TRPM3: variants seen among roughly 807,000 people sequenced by gnomAD.
TRPM3 encodes the protein long transient receptor potential channel 3.
TRPM3 carries 77 observed loss-of-function variants against 181.2 expected under a neutral mutation model. The observed-to-expected ratio is 0.42, with a 90% CI of 0.35 to 0.51. TRPM3 has a LOEUF of 0.51. Ranked by LOEUF, TRPM3 falls within the 20% of genes least tolerant of loss-of-function variation. The pLI is 0.01. For missense variants in TRPM3, 1,759 were observed against 2,196.7 expected (o/e 0.80, Z 3.98); for synonymous variants, 745 against 796.4 (o/e 0.94, Z 1.09).
chr9:71,167,622 T>C (rs1355619309), intron 1 of TRPM3, among the ~76,000 whole-genome samples: 2 of 152,204 alleles, frequency 1.3e-5, no homozygotes, highest in Admixed American at 6.5e-5. Flanking sequence ...AATTAGCAGC[T>C]TCCAGAATTC....
chr9:71,133,540 C>T (rs367836865), intron 1 of TRPM3, among the ~76,000 whole-genome samples: 9 of 152,198 alleles, frequency 5.9e-5, no homozygotes, highest in African/African-American at 1.9e-4. Context: ...TTAGGTGATC[C>T]GCCTGCCTCG....
At chr9:71,215,049 A>G (rs1240722109) in intron 1 of TRPM3, among the ~76,000 whole-genome samples, 851 of 63,248 alleles carry the variant, frequency 0.013, 11 homozygotes, top group African/African-American at 0.038. Flanking sequence ...AAAAAAAACA[A>G]AAAAAAAAAA....
chr9:70,880,652 G>T (rs370174646), intron 1 of TRPM3, among the ~76,000 whole-genome samples: 5 of 152,052 alleles, frequency 3.3e-5, no homozygotes, highest in African/African-American at 1.2e-4. Flanking sequence ...GAAATGCTTT[G>T]TTCAGCTTAA....
chr9:71,326,456 G>A (rs73649720), intron 1 of TRPM3, among the ~76,000 whole-genome samples: 3,530 of 152,268 alleles, frequency 0.023, 130 homozygotes, highest in African/African-American at 0.081. Flanking sequence ...CTCTTGGAAG[G>A]CAAATAATTG....
At chr9:71,003,270 T>TTCTGTGTGCC (rs1590500531) in intron 1 of TRPM3, among the ~76,000 whole-genome samples, 1 of 152,186 alleles carries the variant, frequency 6.6e-6, no homozygotes, top group East Asian at 1.9e-4. Flanking sequence ...TTTCCCCATT[T>TTCTGTGTGCC]TCTGTGTGCC....
chr9:70,610,888 C>T (rs1470724224), intron 18 of TRPM3, 139 bp from the exon 19 acceptor site: 1 of 929,516 alleles, frequency 1.1e-6, no homozygotes, highest in Admixed American at 2.7e-5. Flanking sequence ...GTTGTACCTT[C>T]CCTAAGAGTG....
At chr9:70,607,538 A>AC (rs1231347815) in intron 19 of TRPM3, among the ~76,000 whole-genome samples, 10 of 151,892 alleles carry the variant, frequency 6.6e-5, no homozygotes, top group South Asian at 6.3e-4. Context: ...AGGCCCCACC[A>AC]CCCCCCGCCA....
At chr9:70,592,805 A>C (rs1006773123) in intron 21 of TRPM3, among the ~76,000 whole-genome samples, 4 of 152,096 alleles carry the variant, frequency 2.6e-5, no homozygotes, top group Non-Finnish European at 5.9e-5. Flanking sequence ...ATCTCGGCTC[A>C]CTGCAACCTC....
chr9:70,967,700 TCAA>T (rs2097199747), intron 1 of TRPM3, among the ~76,000 whole-genome samples: 1 of 152,106 alleles, frequency 6.6e-6, no homozygotes, highest in Non-Finnish European at 1.5e-5. Flanking sequence ...AAAACAAGAC[TCAA>T]CAATTTCTTT....
At chr9:70,613,943 CTGA>C (rs1225434136) in intron 18 of TRPM3, among the ~76,000 whole-genome samples, 1 of 152,134 alleles carries the variant, frequency 6.6e-6, no homozygotes, top group Non-Finnish European at 1.5e-5. Context: ...AGGATGTGTG[CTGA>C]TGTCAGGACT....
intron 1 of TRPM3, among the ~76,000 whole-genome samples, chr9:71,316,048 CT>C (rs1330472161): frequency 6.6e-6 from 1 of 152,094 alleles, no homozygotes; most frequent in Non-Finnish European, 1.5e-5. Context: ...TGCTATAGAA[CT>C]TCAAGTACCT....
intron 9 of TRPM3, among the ~76,000 whole-genome samples, chr9:70,665,504 C>T (rs1209808686): frequency 6.6e-6 from 1 of 152,144 alleles, no homozygotes; most frequent in African/African-American, 2.4e-5. Context: ...ATTTTGTCAA[C>T]CTATCCAAAT....
intron 2 of TRPM3, 74 bp downstream of exon 2, chr9:70,864,358 G>A: frequency 2.0e-6 from 2 of 1,024,490 alleles, no homozygotes; most frequent in Non-Finnish European, 2.8e-6. Context: ...CCTTGTAACA[G>A]GTCATGATTA....
Position 70,655,496 on chromosome 9 carries a change from C to T in TRPM3, c.1346-14836G>A, listed in dbSNP as rs577152121. ...TATTTTTCTATTAAGGTAAAAACCA[C>T]TGTTTGGCTCCAACAGGTTTTTTGT... On this transcript the variant is annotated intron_variant, in intron 9 of 25. Coordinates refer to ENST00000677713, the MANE Select transcript of TRPM3 (RefSeq NM_001366145.2). 3.9e-5 allele frequency among the ~76,000 whole-genome samples: 6 copies of T among 152,096 alleles called. No homozygotes were observed. The Middle Eastern group carries it at 0.01, about 259-fold the overall frequency.
intron 1 of TRPM3, among the ~76,000 whole-genome samples, chr9:70,920,526 A>T (rs1238547091): frequency 6.6e-6 from 1 of 152,186 alleles, no homozygotes; most frequent in Non-Finnish European, 1.5e-5. Context: ...CATGGAGCTA[A>T]AATAACAGAT....
chr9:70,881,305 T>C (rs1356996811), intron 1 of TRPM3, among the ~76,000 whole-genome samples: 4 of 152,142 alleles, frequency 2.6e-5, no homozygotes, highest in African/African-American at 9.7e-5. Flanking sequence ...ATTACATTCT[T>C]GCTTGACTTA....
intron 9 of TRPM3, among the ~76,000 whole-genome samples, chr9:70,669,851 G>A (rs895231917): frequency 3.3e-5 from 5 of 150,338 alleles, no homozygotes; most frequent in South Asian, 2.1e-4. Context: ...ATCCTTTCAT[G>A]TCAGCCTCCT....
At chr9:71,370,265 A>T (rs887872944) in intron 1 of TRPM3, among the ~76,000 whole-genome samples, 5 of 152,236 alleles carry the variant, frequency 3.3e-5, no homozygotes, top group African/African-American at 1.2e-4. Context: ...CACTTTAAAT[A>T]AAAAACTAGA....
chr9:70,619,406 C>CTTTTTT lies in TRPM3; in HGVS notation c.2130-317_2130-312dup, dbSNP rs1170887633. Among the ~76,000 whole-genome samples, 18 of 81,418 alleles carry CTTTTTT rather than the reference C, an allele frequency of 2.2e-4. 1 individual carries two copies. Among genetic ancestry groups the CTTTTTT allele is most frequent in the Non-Finnish European group, 2.6e-4 (12 of 45,448 alleles). The allele number at this position is 81,418 out of a possible 152,430, so 53.4% of individuals were successfully genotyped here. On this transcript the variant is annotated intron_variant, in intron 16 of 25. Transcript: ENST00000677713. ...GAGTACAGTATGTCATCGTCGTCTT[C>CTTTTTT]TTTTTTTTTTTTTTTTTTTTTTTTT...
Sources: gnomAD v4.1 joint callset for allele counts (sites outside exome capture counted in the v4.1 genomes callset) on GRCh38, gnomAD v4.1.1 for gene constraint, MANE v1.5 for transcripts, NCBI Gene and HGNC (gene_info 2026-07-23, HGNC 2026-07-21) for gene names.